The following DLG2 variants were observed in gnomAD, a reference collection of about 807,000 sequenced individuals.
The protein encoded by DLG2 is disks large homolog 2.
In DLG2, 45 loss-of-function variants were observed where a neutral mutation model predicts 132.5. The ratio of observed to expected loss-of-function variants is 0.34; its 90% CI spans 0.27 to 0.44. The LOEUF (loss-of-function observed/expected upper bound fraction) is 0.44. Ranked by LOEUF, DLG2 falls within the 20% of genes least tolerant of loss-of-function variation. DLG2 has a pLI of 1.00. For missense variants in DLG2, 1,045 were observed against 1,196.9 expected, an observed-to-expected ratio of 0.87 and a Z score of 1.87; for synonymous variants, 424 against 419.6, an observed-to-expected ratio of 1.01 and a Z score of -0.13.
chr11:84,023,582 CA>C (rs1442949505), intron 11 of DLG2, among the ~76,000 whole-genome samples: 1 of 152,040 alleles, frequency 6.6e-6, no homozygotes, highest in African/African-American at 2.4e-5. Flanking sequence ...AACATGGGTT[CA>C]AATTGTATAG....
intron 3 of DLG2, among the ~76,000 whole-genome samples, chr11:85,593,238 T>G (rs2153232800): frequency 6.6e-6 from 1 of 152,260 alleles, no homozygotes; most frequent in South Asian, 2.1e-4. Context: ...ACTGTCATAT[T>G]CTCCCAAGTT....
intron 4 of DLG2, among the ~76,000 whole-genome samples, chr11:85,173,982 G>C (rs1158075194): frequency 2.6e-5 from 4 of 152,070 alleles, no homozygotes; most frequent in Non-Finnish European, 5.9e-5. Flanking sequence ...AAAGTTCCTA[G>C]AGAACTAAAA....
At chr11:83,656,740 G>T (rs1437092715) in intron 18 of DLG2, among the ~76,000 whole-genome samples, 1 of 152,040 alleles carries the variant, frequency 6.6e-6, no homozygotes, top group Non-Finnish European at 1.5e-5. Context: ...TTGTACTTTA[G>T]ATATCACTAA....
chr11:83,588,144 G>A (rs1319496864), intron 19 of DLG2, among the ~76,000 whole-genome samples: 3 of 152,220 alleles, frequency 2.0e-5, no homozygotes, highest in East Asian at 3.9e-4. Context: ...AGCTCAAGGA[G>A]GCCTGCCTGC....
intron 6 of DLG2, among the ~76,000 whole-genome samples, chr11:84,590,368 T>C (rs1036231117): frequency 6.6e-6 from 1 of 152,228 alleles, no homozygotes; most frequent in African/African-American, 2.4e-5. Context: ...CTGTTGGCTA[T>C]GCTTGGCACG....
chr11:85,558,087 TA>T (rs1297754655), intron 3 of DLG2, among the ~76,000 whole-genome samples: 4 of 151,924 alleles, frequency 2.6e-5, no homozygotes, highest in African/African-American at 9.6e-5. Flanking sequence ...CCTGAATCTA[TA>T]AGGAACTTAA....
At chr11:83,623,783 C>T (rs934952599) in intron 19 of DLG2, among the ~76,000 whole-genome samples, 12 of 152,206 alleles carry the variant, frequency 7.9e-5, no homozygotes, top group Admixed American at 2.6e-4. Context: ...TTCCTTGTTC[C>T]CTTGAAACTA....
At chr11:83,504,885 T>C (rs2094612622) in intron 21 of DLG2, among the ~76,000 whole-genome samples, 1 of 152,186 alleles carries the variant, frequency 6.6e-6, no homozygotes, top group African/African-American at 2.4e-5. Context: ...GGAGTTGTAA[T>C]TGTGACTTAC....
chr11:84,510,857 G>A (rs571747958), intron 7 of DLG2, among the ~76,000 whole-genome samples: 2 of 152,032 alleles, frequency 1.3e-5, no homozygotes, highest in East Asian at 1.9e-4. Flanking sequence ...AGGAGTGGAG[G>A]AGCAGAGAGT....
At chr11:84,354,163 C>G (rs1326035098) in intron 7 of DLG2, among the ~76,000 whole-genome samples, 1 of 152,100 alleles carries the variant, frequency 6.6e-6, no homozygotes, top group Non-Finnish European at 1.5e-5. Flanking sequence ...ATATTTCCTT[C>G]TTTGGCATCT....
intron 15 of DLG2, among the ~76,000 whole-genome samples, chr11:83,886,519 G>T (rs1181940101): frequency 1.3e-5 from 2 of 152,144 alleles, no homozygotes; most frequent in African/African-American, 4.8e-5. Flanking sequence ...ACACCCCACT[G>T]TCAACAATAG....
At chr11:85,361,633 G>T (rs2084163856) in intron 3 of DLG2, among the ~76,000 whole-genome samples, 1 of 152,208 alleles carries the variant, frequency 6.6e-6, no homozygotes, top group Non-Finnish European at 1.5e-5. Context: ...CAAAAGACAT[G>T]ATTTCAGGAC....
chr11:84,734,544 C>T lies in DLG2; in HGVS notation c.358-199813G>A, dbSNP rs564491558. Among the ~76,000 whole-genome samples, 21 of 152,238 alleles carry T rather than the reference C, an allele frequency of 1.4e-4. No homozygotes were observed. In the South Asian group the frequency reaches 1.5e-3, roughly 11 times the overall value. Reference sequence around the variant, plus strand: ...AGCTTAAGGAGATTTTGGGCTGAGACGATGGGGTTTTCTAGATATCCAATC... The same window carrying T: ...AGCTTAAGGAGATTTTGGGCTGAGATGATGGGGTTTTCTAGATATCCAATC... On this transcript the variant is annotated intron_variant, in intron 6 of 27. Transcript: ENST00000376104.
At chr11:83,642,627 C>T (rs900525212) in intron 18 of DLG2, among the ~76,000 whole-genome samples, 10 of 152,106 alleles carry the variant, frequency 6.6e-5, no homozygotes, top group African/African-American at 2.2e-4. Context: ...TTTATAGATT[C>T]ATAAAGGCAG....
intron 3 of DLG2, among the ~76,000 whole-genome samples, chr11:85,536,847 A>G (rs1008105070): frequency 1.3e-5 from 2 of 152,044 alleles, no homozygotes; most frequent in Non-Finnish European, 2.9e-5. Flanking sequence ...TTTCCTCTTG[A>G]TTGTCTGGGA....
At chr11:83,597,786 A>AAAACAAAC (rs56172449) in intron 19 of DLG2, among the ~76,000 whole-genome samples, 5,018 of 150,912 alleles carry the variant, frequency 0.033, 267 homozygotes, top group African/African-American at 0.11. Flanking sequence ...TCCCTGTCTC[A>AAAACAAAC]AAACAAACAA....
chr11:85,054,835 G>A (rs183772272), intron 6 of DLG2, among the ~76,000 whole-genome samples: 124 of 152,232 alleles, frequency 8.1e-4, no homozygotes, highest in Middle Eastern at 3.4e-3. Context: ...ACTTAAAAAT[G>A]CCAATAATAG....
chr11:85,068,028 T>C (rs978200516), intron 6 of DLG2, among the ~76,000 whole-genome samples: 57 of 152,066 alleles, frequency 3.7e-4, no homozygotes, highest in Non-Finnish European at 5.7e-4. Flanking sequence ...ACCCAGCATA[T>C]AAACAGAACC....
At chr11:83,723,859 A>C (rs985946312) in intron 18 of DLG2, among the ~76,000 whole-genome samples, 1 of 151,670 alleles carries the variant, frequency 6.6e-6, no homozygotes, top group African/African-American at 2.4e-5. Flanking sequence ...ACATCTCAAA[A>C]AAAATAAATA....
Sources: allele counts gnomAD v4.1 joint callset (sites outside exome capture counted in the v4.1 genomes callset), GRCh38; gene constraint gnomAD v4.1.1; transcripts MANE v1.5; gene names NCBI Gene and HGNC (gene_info 2026-07-23, HGNC 2026-07-21).